The following DLGAP2 variants were observed in gnomAD, a reference collection of about 807,000 sequenced individuals.
The protein encoded by DLGAP2 is DLG associated protein 2, also known as disks large-associated protein 2.
In DLGAP2, 26 loss-of-function variants were observed where a neutral mutation model predicts 100.3. That is an observed-to-expected ratio of 0.26 (90% CI 0.19 to 0.36). The LOEUF (loss-of-function observed/expected upper bound fraction) is 0.36, where lower values mean the gene tolerates loss of function less well. Among genes scored for constraint, DLGAP2 ranks in the 10% least tolerant of loss-of-function variants. The probability of loss-of-function intolerance (pLI) is 1.00; values close to 1 mark genes in which losing one functional copy is unlikely to be tolerated. For missense variants in DLGAP2, 1,858 were observed against 1,453.2 expected (o/e 1.28, Z -4.53); for synonymous variants, 886 against 630.1 (o/e 1.41, Z -6.08).
At chr8:1,303,402 CAA>C (rs374350701) in intron 3 of DLGAP2, among the ~76,000 whole-genome samples, 6,226 of 124,670 alleles carry the variant, frequency 0.05, 439 homozygotes, top group African/African-American at 0.16. Context: ...GTCTCAAAAA[CAA>C]AAAAAAAAAA....
chr8:1,047,038 G>A (rs980719172), intron 2 of DLGAP2, among the ~76,000 whole-genome samples: 2 of 152,020 alleles, frequency 1.3e-5, no homozygotes, highest in Non-Finnish European at 2.9e-5. Flanking sequence ...TAAACATTCA[G>A]TGGTTTTAAT....
At chr8:767,537 A>G (rs1187755570) in intron 1 of DLGAP2, among the ~76,000 whole-genome samples, 1 of 151,894 alleles carries the variant, frequency 6.6e-6, no homozygotes, top group Non-Finnish European at 1.5e-5. Flanking sequence ...TTGTATTTTT[A>G]GTAGAGACGG....
At chr8:1,101,902 A>C (rs1415996153) in intron 2 of DLGAP2, among the ~76,000 whole-genome samples, 1 of 138,098 alleles carries the variant, frequency 7.2e-6, no homozygotes, top group Non-Finnish European at 1.7e-5. Context: ...ACACGACACG[A>C]TGATGGGAAG....
chr8:1,414,013 C>G (rs768351405), intron 3 of DLGAP2, among the ~76,000 whole-genome samples: 1 of 152,156 alleles, frequency 6.6e-6, no homozygotes, highest in Admixed American at 6.5e-5. Context: ...AAGTGCAGCT[C>G]AGGGCACCGT....
intron 3 of DLGAP2, among the ~76,000 whole-genome samples, chr8:1,425,599 G>A (rs558900561): frequency 9.9e-5 from 15 of 152,282 alleles, no homozygotes; most frequent in South Asian, 6.2e-4. Flanking sequence ...TCCAGATCCC[G>A]GACAGCCTGG....
chr8:1,341,933 GTTTGT>G (rs1801427826), intron 3 of DLGAP2, among the ~76,000 whole-genome samples: 1 of 152,096 alleles, frequency 6.6e-6, no homozygotes, highest in Admixed American at 6.6e-5. Context: ...GTTTTGTTGT[GTTTGT>G]TTTGATTTGT....
chr8:1,560,906 G>A (rs184619585), intron 5 of DLGAP2, among the ~76,000 whole-genome samples: 7 of 152,282 alleles, frequency 4.6e-5, no homozygotes, highest in African/African-American at 9.6e-5. Context: ...GCAGCTCTGC[G>A]GTGTCATCTG....
At chr8:1,449,977 A>G (rs6985936) in intron 3 of DLGAP2, among the ~76,000 whole-genome samples, 817 of 2,706 alleles carry the variant, frequency 0.3, 45 homozygotes, top group East Asian at 0.38. Flanking sequence ...GGCCTCGGTG[A>G]CTGAGGCGGA....
chr8:1,510,635 G>A (rs879927901), intron 4 of DLGAP2, among the ~76,000 whole-genome samples: 14 of 152,184 alleles, frequency 9.2e-5, no homozygotes, highest in African/African-American at 1.9e-4. Flanking sequence ...CACAGGACGC[G>A]CATTCTCATT....
Position 1,236,536 on chromosome 8 carries a change from A to G in DLGAP2, c.74-22315A>G, listed in dbSNP as rs1332927165. 1.1e-4 allele frequency among the ~76,000 whole-genome samples: 3 copies of G among 27,380 alleles called. 1 individual carries two copies. The highest frequency in any genetic ancestry group is 2.3e-4 in the African/African-American group (1 of 4,420). 18.0% of individuals were successfully genotyped at this position (27,380 alleles called of 152,430 possible). ...AGTTCTCTCACATGGCGCCATGTCT[A>G]GTTCTCTCACGTGGCGCCGTGTCTA... On this transcript the variant is annotated intron_variant, in intron 2 of 14. Coordinates refer to ENST00000637795, the MANE Select transcript of DLGAP2 (RefSeq NM_001346810.2).
At chr8:802,904 G>A (rs1362199656) in intron 1 of DLGAP2, among the ~76,000 whole-genome samples, 1 of 152,174 alleles carries the variant, frequency 6.6e-6, no homozygotes, top group Non-Finnish European at 1.5e-5. Flanking sequence ...GTGTCCAGGA[G>A]GGGGTGTGAT....
Position 1,565,784 on chromosome 8 carries a change from C to G in DLGAP2, c.1332C>G (p.Asp444Glu). The change falls in exon 6 of 15, where the codon GAC becomes GAG. Residue 444 changes from aspartate (D) to glutamate (E), a missense_variant. Coordinates refer to ENST00000637795, the MANE Select transcript of DLGAP2 (RefSeq NM_001346810.2). ...RSGSYIKAMGDEESGESDSSP... is the reference protein window; with the variant it reads ...RSGSYIKAMGEEESGESDSSP... ...GGAGTTACATTAAAGCCATGGGGGA[C>G]GAGGAGAGCGGAGAGTCAGACTCCA... The G allele has an allele frequency of 6.2e-7, 1 of 1,613,772 alleles. No homozygotes were observed. Among genetic ancestry groups the G allele is most frequent in the Non-Finnish European group, 8.5e-7 (1 of 1,179,846 alleles).
intron 2 of DLGAP2, among the ~76,000 whole-genome samples, chr8:1,154,625 C>T (rs1796748345): frequency 1.8e-5 from 1 of 55,252 alleles, no homozygotes. Context: ...GATTAACCAT[C>T]CATTAAAAAC....
intron 3 of DLGAP2, among the ~76,000 whole-genome samples, chr8:1,319,920 G>C (rs1309183199): frequency 2.0e-5 from 3 of 152,224 alleles, no homozygotes; most frequent in Non-Finnish European, 2.9e-5. Flanking sequence ...GGGTGACCCA[G>C]GGCCTTTGAG....
At chr8:870,309 T>C (rs1052891711) in intron 1 of DLGAP2, among the ~76,000 whole-genome samples, 76 of 152,220 alleles carry the variant, frequency 5.0e-4, no homozygotes, top group African/African-American at 1.7e-3. Flanking sequence ...CTGTCTTCCA[T>C]GCTGACCTCT....
At chr8:1,581,767 A>T (rs1161552678) in intron 6 of DLGAP2, among the ~76,000 whole-genome samples, 4 of 151,692 alleles carry the variant, frequency 2.6e-5, no homozygotes, top group Non-Finnish European at 5.9e-5. Flanking sequence ...CCACAGTCAA[A>T]CTACCACAAG....
intron 2 of DLGAP2, among the ~76,000 whole-genome samples, chr8:1,079,565 G>A (rs926018362): frequency 1.3e-5 from 2 of 152,152 alleles, no homozygotes; most frequent in African/African-American, 4.8e-5. Flanking sequence ...ATACAGCTAT[G>A]CTCCCCAACA....
At chr8:920,793 T>C (rs1174140701) in intron 2 of DLGAP2, among the ~76,000 whole-genome samples, 3 of 151,232 alleles carry the variant, frequency 2.0e-5, no homozygotes, top group East Asian at 1.9e-4. Flanking sequence ...TCAAAAGATA[T>C]AAAAAAAAAT....
At chr8:931,909 C>G (rs977087748) in intron 2 of DLGAP2, among the ~76,000 whole-genome samples, 2 of 152,170 alleles carry the variant, frequency 1.3e-5, no homozygotes, top group Admixed American at 6.5e-5. Context: ...TCTGTCTTGT[C>G]AAGAGGAGTA....
Sources: allele counts gnomAD v4.1 joint callset (sites outside exome capture counted in the v4.1 genomes callset), GRCh38; gene constraint gnomAD v4.1.1; transcripts MANE v1.5; gene names NCBI Gene and HGNC (gene_info 2026-07-23, HGNC 2026-07-21).